Variants in THRB observed in about 807,000 individuals in gnomAD.
THRB encodes the protein thyroid hormone receptor beta.
THRB carries 12 observed loss-of-function variants against 47.8 expected under a neutral mutation model. The ratio of observed to expected loss-of-function variants is 0.25; its 90% confidence interval spans 0.16 to 0.41. The LOEUF (loss-of-function observed/expected upper bound fraction) is 0.41. Ranked by LOEUF, THRB falls within the 10% of genes least tolerant of loss-of-function variation. The probability of loss-of-function intolerance (pLI) is 1.00; values close to 1 mark genes in which losing one functional copy is unlikely to be tolerated. For missense variants in THRB, 348 were observed against 589.2 expected, an observed-to-expected ratio of 0.59 and a Z score of 4.24; for synonymous variants, 218 against 212.2, an observed-to-expected ratio of 1.03 and a Z score of -0.24.
chr3:24,278,685 C>G (rs2054196423), intron 3 of THRB, among the ~76,000 whole-genome samples: 2 of 152,196 alleles, frequency 1.3e-5, no homozygotes, highest in African/African-American at 4.8e-5. Flanking sequence ...TTCTACTTCT[C>G]TGTAACTGTT....
chr3:24,204,258 G>A (rs1559591100), intron 4 of THRB, among the ~76,000 whole-genome samples: 1 of 152,246 alleles, frequency 6.6e-6, no homozygotes, highest in African/African-American at 2.4e-5. Context: ...CCCCCCAGTA[G>A]GGGCAGACTG....
At chr3:24,230,569 G>A (rs917100033) in intron 3 of THRB, among the ~76,000 whole-genome samples, 14 of 152,148 alleles carry the variant, frequency 9.2e-5, no homozygotes, top group Non-Finnish European at 2.1e-4. Flanking sequence ...TTTTGAGTGA[G>A]AGGCACCAAG....
chr3:24,296,945 G>A (rs1474698281), intron 3 of THRB, among the ~76,000 whole-genome samples: 1 of 152,214 alleles, frequency 6.6e-6, no homozygotes, highest in East Asian at 1.9e-4. Context: ...CTGAATCTTT[G>A]TTGATTTCAA....
chr3:24,379,638 T>C (rs1443708738), intron 1 of THRB, among the ~76,000 whole-genome samples: 1 of 152,028 alleles, frequency 6.6e-6, no homozygotes, highest in Non-Finnish European at 1.5e-5. Context: ...ACTCGGCAAG[T>C]AGATTTGAGA....
intron 3 of THRB, among the ~76,000 whole-genome samples, chr3:24,278,299 T>C (rs568679367): frequency 6.6e-6 from 1 of 152,192 alleles, no homozygotes; most frequent in Non-Finnish European, 1.5e-5. Flanking sequence ...AAGTATGCTA[T>C]AAAGAAACTG....
intron 5 of THRB, among the ~76,000 whole-genome samples, chr3:24,153,334 C>G (rs2037313781): frequency 6.6e-6 from 1 of 152,170 alleles, no homozygotes; most frequent in African/African-American, 2.4e-5. Flanking sequence ...CTCTTAATTT[C>G]TAGCCCTCCA....
At chr3:24,233,130 C>T (rs1019163378) in intron 3 of THRB, among the ~76,000 whole-genome samples, 2 of 152,118 alleles carry the variant, frequency 1.3e-5, no homozygotes, top group African/African-American at 4.8e-5. Context: ...CTCAAACACA[C>T]AAAGTGTGTT....
intron 4 of THRB, among the ~76,000 whole-genome samples, chr3:24,204,484 A>G (rs952819670): frequency 1.3e-5 from 2 of 152,254 alleles, no homozygotes; most frequent in Non-Finnish European, 2.9e-5. Flanking sequence ...AAGGACATCC[A>G]CACCAAAAGC....
chr3:24,404,076 C>A (rs900042473), intron 1 of THRB, among the ~76,000 whole-genome samples: 1 of 151,764 alleles, frequency 6.6e-6, no homozygotes, highest in Non-Finnish European at 1.5e-5. Context: ...TTGATAGATT[C>A]CCATAGTTAA....
chr3:24,365,850 C>A (rs1450431480), intron 1 of THRB, among the ~76,000 whole-genome samples: 1 of 152,130 alleles, frequency 6.6e-6, no homozygotes, highest in Non-Finnish European at 1.5e-5. Flanking sequence ...AATACTAATT[C>A]ATTTAGAGTT....
At chr3:24,375,092 C>T (rs1421751404) in intron 1 of THRB, among the ~76,000 whole-genome samples, 1 of 151,288 alleles carries the variant, frequency 6.6e-6, no homozygotes, top group African/African-American at 2.4e-5. Context: ...CTGTTACTTT[C>T]CTTTTATAAA....
intron 1 of THRB, among the ~76,000 whole-genome samples, chr3:24,445,669 G>C (rs1309478296): frequency 1.3e-5 from 2 of 152,116 alleles, no homozygotes; most frequent in East Asian, 1.9e-4. Context: ...ACGACACAGA[G>C]AGTAGGTGTG....
intron 2 of THRB, among the ~76,000 whole-genome samples, chr3:24,316,781 A>G (rs1443278497): frequency 6.6e-6 from 1 of 151,898 alleles, no homozygotes; most frequent in Non-Finnish European, 1.5e-5. Flanking sequence ...TCCTATTCCT[A>G]ACTTCAGTCT....
At chr3:24,153,061 G>T (rs1401988281) in intron 5 of THRB, among the ~76,000 whole-genome samples, 1 of 151,782 alleles carries the variant, frequency 6.6e-6, no homozygotes, top group East Asian at 1.9e-4. Context: ...TGTAGAGCCA[G>T]TGACTCAAGC....
At chr3:24,353,203 A>T (rs546971605) in intron 1 of THRB, among the ~76,000 whole-genome samples, 3 of 152,216 alleles carry the variant, frequency 2.0e-5, no homozygotes, top group African/African-American at 7.2e-5. Flanking sequence ...TTTGTCTTGT[A>T]TATTTTTTTC....
At chr3:24,452,995 T>C (rs1286403906) in intron 1 of THRB, among the ~76,000 whole-genome samples, 5 of 151,952 alleles carry the variant, frequency 3.3e-5, no homozygotes, top group Non-Finnish European at 7.4e-5. Context: ...CTCACATCCA[T>C]CCAAACAAAC....
At chr3:24,127,012 A>C (rs1304103996) in intron 10 of THRB, among the ~76,000 whole-genome samples, 1 of 152,240 alleles carries the variant, frequency 6.6e-6, no homozygotes, top group Non-Finnish European at 1.5e-5. Flanking sequence ...AACTCCAGCC[A>C]TCTTGGATGT....
chr3:24,456,851 G>A (rs1001688184), intron 1 of THRB, among the ~76,000 whole-genome samples: 8 of 151,980 alleles, frequency 5.3e-5, no homozygotes, highest in African/African-American at 1.9e-4. Flanking sequence ...AACTTAGGTA[G>A]AGAGTAAAGA....
chr3:24,218,377 T>A (rs2046831268), intron 4 of THRB, among the ~76,000 whole-genome samples: 1 of 147,356 alleles, frequency 6.8e-6, no homozygotes, highest in African/African-American at 2.6e-5. Flanking sequence ...AGAAAAGTCC[T>A]TAGCTGTACG....
Sources: gnomAD v4.1 joint callset for allele counts (sites outside exome capture counted in the v4.1 genomes callset) on GRCh38, gnomAD v4.1.1 for gene constraint, MANE v1.5 for transcripts, NCBI Gene and HGNC (gene_info 2026-07-23, HGNC 2026-07-21) for gene names.